Variants in SMARCB1 observed in about 807,000 individuals in gnomAD.
SMARCB1 encodes the protein SWI/SNF related BAF chromatin remodeling complex subunit B1, also known as SWI/SNF-related matrix-associated actin-dependent regulator of chromatin subfamily B member 1.
Under a neutral mutation model 49.0 loss-of-function variants are expected in SMARCB1, and 5 were observed. That is an observed-to-expected ratio of 0.10 (90% CI 0.05 to 0.21). The LOEUF (loss-of-function observed/expected upper bound fraction) is 0.21, where lower values mean the gene tolerates loss of function less well. Among genes scored for constraint, SMARCB1 ranks in the 10% least tolerant of loss-of-function variants. The pLI is 1.00. For synonymous variants in SMARCB1, 201 were observed against 200.1 expected, an observed-to-expected ratio of 1.00 and a Z score of -0.04; for missense variants, 226 against 509.2, an observed-to-expected ratio of 0.44 and a Z score of 5.35.
At position 23,834,717 on chromosome 22, in the gene SMARCB1, G is replaced by A; in HGVS notation, c.*537G>A. The A allele has an allele frequency of 7.1e-7, 1 of 1,410,766 alleles. No individual in the cohort carries two copies. The highest frequency in any genetic ancestry group is 2.4e-5 in the Admixed American group (1 of 42,030). 87.4% of individuals were successfully genotyped at this position (1,410,766 alleles called of 1,614,324 possible). On this transcript the variant is annotated 3_prime_UTR_variant, in exon 9 of 9. Transcript: ENST00000644036. ...CCTCAGCTCCTCTCAGCTCCCCTCAGCCTGTTCTCCTTCCAGACCCAGAGA... is the reference window on the plus strand; with the variant it reads ...CCTCAGCTCCTCTCAGCTCCCCTCAACCTGTTCTCCTTCCAGACCCAGAGA...
Position 23,836,917 on chromosome 22 carries a change from G to A in SMARCB1, c.*2737G>A, listed in dbSNP as rs762813241. On this transcript the variant is annotated 3_prime_UTR_variant, in exon 9 of 9. Transcript: ENST00000644036. The stretch of plus-strand genomic sequence containing the variant: ...GGGGTCCTGGCTGTTCCTCAGGGAG[G>A]GGCAGGTAATTGGGGTCTTCTGCAG... The A allele has an allele frequency of 5.2e-6, 8 of 1,536,550 alleles. No homozygotes were observed. Among genetic ancestry groups the A allele is most frequent in the Non-Finnish European group, 7.0e-6 (8 of 1,143,464 alleles).
chr22:23,828,865 CAG>C (rs1048668767), intron 7 of SMARCB1, among the ~76,000 whole-genome samples: 20 of 152,234 alleles, frequency 1.3e-4, no homozygotes, highest in Admixed American at 1.3e-3. Context: ...GCCCACACCT[CAG>C]GGGAACCAGG....
At chr22:23,800,677 G>A (rs774615535) in intron 3 of SMARCB1, among the ~76,000 whole-genome samples, 6 of 152,098 alleles carry the variant, frequency 3.9e-5, no homozygotes, top group Non-Finnish European at 8.8e-5. Flanking sequence ...AAGTGCTTCC[G>A]TGGAGCCATG....
chr22:23,801,699 TAGA>T (rs1929167045), intron 4 of SMARCB1: 1 of 281,836 alleles, frequency 3.5e-6, no homozygotes, highest in South Asian at 3.6e-5. Context: ...GTCTCTCTCT[TAGA>T]AGGACACTTG....
intron 4 of SMARCB1, chr22:23,801,891 C>T: frequency 5.9e-6 from 1 of 169,264 alleles, no homozygotes. Flanking sequence ...CTGCCCTCAC[C>T]CCCTCAGCCT....
intron 5 of SMARCB1, among the ~76,000 whole-genome samples, chr22:23,809,391 C>T (rs1929725851): frequency 6.6e-6 from 1 of 151,650 alleles, no homozygotes; most frequent in Admixed American, 6.6e-5. Flanking sequence ...ATTCTCCTGC[C>T]TCAGTCTCCT....
At position 23,834,372 on chromosome 22, in the gene SMARCB1, A is replaced by ACCC; in HGVS notation, c.*194_*196dup. The ACCC allele has an allele frequency of 5.1e-6, 2 of 388,630 alleles. No homozygotes were observed. Among genetic ancestry groups the ACCC allele is most frequent in the South Asian group, 2.5e-5 (1 of 39,980 alleles). The allele number at this position is 388,630 out of a possible 1,614,324, so 24.1% of individuals were successfully genotyped here. ...TTGTTGAGCCCCAGTCCTGCCCCCCACCCCACCCTCCCTACCCCTCCCCAG... is the reference window on the plus strand; with the variant it reads ...TTGTTGAGCCCCAGTCCTGCCCCCCACCCCCCCACCCTCCCTACCCCTCCCCAG... On this transcript the variant is annotated 3_prime_UTR_variant, in exon 9 of 9. Transcript: ENST00000644036.
intron 7 of SMARCB1, among the ~76,000 whole-genome samples, chr22:23,829,572 G>A (rs535973003): frequency 6.6e-6 from 1 of 152,306 alleles, no homozygotes; most frequent in East Asian, 1.9e-4. Flanking sequence ...GGTATGTCAG[G>A]TACACGTTGG....
At position 23,803,349 on chromosome 22, in the gene SMARCB1, G is replaced by A. The variant is rs2145982846; in HGVS notation, c.555G>A (p.Val185=). The A allele has an allele frequency of 6.2e-7, 1 of 1,614,210 alleles. No homozygotes were observed. The highest frequency in any genetic ancestry group is 8.5e-7 in the Non-Finnish European group (1 of 1,180,038). ...VIHENASQPE[V]LVPIRLDMEI... ...ATGAGAACGCATCTCAGCCCGAGGT[G>A]CTGGTCCCCATCCGGCTGGACATGG... Residue 185 remains valine (V), a synonymous_variant, in exon 5 of 9, where the codon GTG becomes GTA. Transcript: ENST00000644036.
In SMARCB1 at chr22:23,829,074, A is replaced by G. The variant is rs1012484844; in HGVS notation, c.986+3659A>G. On this transcript the variant is annotated intron_variant, in intron 7 of 8. Coordinates refer to ENST00000644036, the MANE Select transcript of SMARCB1 (RefSeq NM_003073.5). ...AGGAGGGAGACAGGGCTCAAGGGGA[A>G]GGAGGCTGGGCTAGGCAGAGCCTCT... 4.6e-5 allele frequency among the ~76,000 whole-genome samples: 7 copies of G among 152,226 alleles called. No homozygotes were observed. In the East Asian group the frequency reaches 1.3e-3, roughly 29 times the overall value.
At chr22:23,825,666 C>T in intron 7 of SMARCB1, 1 of 547,812 alleles carries the variant, frequency 1.8e-6, no homozygotes, top group African/African-American at 1.9e-5. Flanking sequence ...GGGTGAACCT[C>T]AAGTCCTTGC....
chr22:23,810,783 A>AT (rs1309688707), intron 5 of SMARCB1, among the ~76,000 whole-genome samples: 2 of 152,046 alleles, frequency 1.3e-5, no homozygotes, highest in African/African-American at 4.8e-5. Flanking sequence ...TAATCGCGGC[A>AT]TTTTGGGAGG....
rs185015105 is a variant in SMARCB1 at position 23,794,167 on chromosome 22, C to G, written c.362+479C>G. ...CATGTTGGTCAGGCTGGTCTCGAAA[C>G]CCCACCTCAGGTGATCCGCCCGCCT... On this transcript the variant is annotated intron_variant, in intron 3 of 8. Transcript: ENST00000644036. Among the ~76,000 whole-genome samples, 757 of 152,342 alleles carry G rather than the reference C, an allele frequency of 5.0e-3. 20 individuals carry two copies. The South Asian group carries it at 0.085, about 17-fold the overall frequency.
At chr22:23,797,763 A>G (rs1030782555) in intron 3 of SMARCB1, among the ~76,000 whole-genome samples, 3 of 151,086 alleles carry the variant, frequency 2.0e-5, no homozygotes, top group African/African-American at 7.3e-5. Flanking sequence ...GATTATAGGC[A>G]CCAGGCACCA....
chr22:23,813,745 C>G (rs879479977), intron 5 of SMARCB1, among the ~76,000 whole-genome samples: 1 of 152,084 alleles, frequency 6.6e-6, no homozygotes, highest in Non-Finnish European at 1.5e-5. Flanking sequence ...AAAATCCCAG[C>G]AAGATTTTTT....
chr22:23,827,679 A>G (rs957082134), intron 7 of SMARCB1, among the ~76,000 whole-genome samples: 6 of 152,134 alleles, frequency 3.9e-5, no homozygotes, highest in African/African-American at 1.4e-4. Flanking sequence ...CCAGATGGAG[A>G]GGCGGCCTGC....
At chr22:23,827,758 C>T (rs2030460402) in intron 7 of SMARCB1, among the ~76,000 whole-genome samples, 1 of 152,184 alleles carries the variant, frequency 6.6e-6, no homozygotes. Flanking sequence ...TTCCCAGTCC[C>T]CACACTGGAA....
intron 3 of SMARCB1, among the ~76,000 whole-genome samples, chr22:23,795,526 A>G (rs1051899134): frequency 3.3e-5 from 5 of 151,868 alleles, no homozygotes; most frequent in East Asian, 3.9e-4. Flanking sequence ...ATGGTGGTGC[A>G]TGCCTGTAAT....
At chr22:23,813,711 T>C (rs942653020) in intron 5 of SMARCB1, among the ~76,000 whole-genome samples, 16 of 152,236 alleles carry the variant, frequency 1.1e-4, no homozygotes, top group African/African-American at 3.4e-4. Flanking sequence ...CAAATTGATA[T>C]ACAGATTTAA....
Sources: allele counts gnomAD v4.1 joint callset (sites outside exome capture counted in the v4.1 genomes callset), GRCh38; gene constraint gnomAD v4.1.1; transcripts MANE v1.5; gene names NCBI Gene and HGNC (gene_info 2026-07-23, HGNC 2026-07-21).